FANCL: variants seen among roughly 807,000 people sequenced by gnomAD.
FANCL encodes FA complementation group L.
Under a neutral mutation model 59.4 loss-of-function variants are expected in FANCL, and 69 were observed. The ratio of observed to expected loss-of-function variants is 1.16; its 90% CI spans 0.96 to 1.42. The LOEUF is 1.42. Among genes scored for constraint, FANCL ranks in the 40% most tolerant of loss-of-function variants. The pLI is 0.00. For synonymous variants in FANCL, 180 were observed against 147.1 expected (o/e 1.22, Z -1.62); for missense variants, 519 against 447.2 (o/e 1.16, Z -1.45).
intron 4 of FANCL, among the ~76,000 whole-genome samples, chr2:58,222,392 A>G (rs1273115186): frequency 1.3e-5 from 2 of 152,092 alleles, no homozygotes; most frequent in Non-Finnish European, 2.9e-5. Flanking sequence ...TGTTTGATAT[A>G]TACATTTTTT....
Position 58,198,637 on chromosome 2 carries a change from A to C in FANCL, c.497T>G (p.Phe166Cys). The C allele has an allele frequency of 6.2e-7, 1 of 1,613,974 alleles. No homozygotes were observed. Among genetic ancestry groups the C allele is most frequent in the Non-Finnish European group, 8.5e-7 (1 of 1,179,838 alleles). Residue 166 changes from phenylalanine (F) to cysteine (C), a missense_variant, in exon 7 of 14, where the codon TTT becomes TGT. Transcript: ENST00000233741. ...ACAAAATGGAACAGGAAAATCCACA[A>C]AATAATCTGGTGATTCTGCAGGATA... ...AKYPAESPDY[F>C]VDFPVPFCAS...
intron 11 of FANCL, 21 bp downstream of exon 11, chr2:58,162,845 C>G (rs369259658): frequency 5.0e-6 from 8 of 1,597,474 alleles, no homozygotes; most frequent in Non-Finnish European, 6.0e-6. Flanking sequence ...TCTGGAATAT[C>G]AAAACACTGA....
intron 7 of FANCL, among the ~76,000 whole-genome samples, chr2:58,180,385 A>C (rs894084368): frequency 3.9e-5 from 6 of 152,212 alleles, no homozygotes; most frequent in African/African-American, 1.4e-4. Flanking sequence ...AATACTATGC[A>C]GCCATAAAAA....
At chr2:58,177,427 T>C (rs1295577259) in intron 7 of FANCL, among the ~76,000 whole-genome samples, 3 of 151,994 alleles carry the variant, frequency 2.0e-5, no homozygotes, top group Non-Finnish European at 4.4e-5. Context: ...GTGGCACATA[T>C]ACACCATGGA....
chr2:58,205,642 A>G (rs1233195988), intron 5 of FANCL, among the ~76,000 whole-genome samples: 1 of 152,098 alleles, frequency 6.6e-6, no homozygotes, highest in Non-Finnish European at 1.5e-5. Flanking sequence ...AAAAAAGAAG[A>G]AGGAATAGTA....
chr2:58,188,902 T>G (rs1688664146), intron 7 of FANCL, among the ~76,000 whole-genome samples: 1 of 152,100 alleles, frequency 6.6e-6, no homozygotes, highest in African/African-American at 2.4e-5. Context: ...GGCCAATATG[T>G]GGCACATCCA....
At chr2:58,178,852 T>C (rs1235888650) in intron 7 of FANCL, among the ~76,000 whole-genome samples, 1 of 152,066 alleles carries the variant, frequency 6.6e-6, no homozygotes, top group African/African-American at 2.4e-5. Flanking sequence ...CAGCCCAAAA[T>C]CTCCTTAAGC....
At chr2:58,186,571 C>T (rs1390430816) in intron 7 of FANCL, among the ~76,000 whole-genome samples, 1 of 152,194 alleles carries the variant, frequency 6.6e-6, no homozygotes, top group Non-Finnish European at 1.5e-5. Flanking sequence ...GAAAAAGTTC[C>T]TCAGAATTCC....
intron 5 of FANCL, among the ~76,000 whole-genome samples, chr2:58,217,213 TATACACACAC>T (rs1246553887): frequency 0.039 from 297 of 7,652 alleles, 2 homozygotes; most frequent in Non-Finnish European, 0.052. Context: ...TATATATATA[TATACACACAC>T]ACACACACAC....
In FANCL at chr2:58,159,654, C is replaced by G. The variant is rs780745258; in HGVS notation, c.*111G>C. ...ATTATTATCGCATCATCATACCTGT[C>G]CTTTTGATGTTAGTATTTCTTGCTT... On this transcript the variant is annotated 3_prime_UTR_variant, in exon 14 of 14. Transcript: ENST00000233741. The G allele has an allele frequency of 6.2e-7, 1 of 1,613,314 alleles. No individual in the cohort carries two copies. Among genetic ancestry groups the G allele is most frequent in the Admixed American group, 1.7e-5 (1 of 59,924 alleles).
intron 7 of FANCL, among the ~76,000 whole-genome samples, chr2:58,175,992 GACAA>G (rs1401928210): frequency 6.6e-6 from 1 of 151,916 alleles, no homozygotes; most frequent in Non-Finnish European, 1.5e-5. Context: ...ACTAATAACA[GACAA>G]ACAGCCAAAT....
chr2:58,179,911 G>C (rs958358194), intron 7 of FANCL, among the ~76,000 whole-genome samples: 2 of 152,088 alleles, frequency 1.3e-5, no homozygotes, highest in Admixed American at 1.3e-4. Flanking sequence ...AGTAGGCAAA[G>C]GATATGAACA....
At chr2:58,200,465 A>C (rs1489041984) in intron 6 of FANCL, among the ~76,000 whole-genome samples, 1 of 152,094 alleles carries the variant, frequency 6.6e-6, no homozygotes, top group Admixed American at 6.5e-5. Context: ...TGTGGGTCAA[A>C]AATGGAAAAT....
rs967043367 is a variant in FANCL, at chr2:58,176,439, T to C, written c.541-10565A>G. On this transcript the variant is annotated intron_variant, in intron 7 of 13. Coordinates refer to ENST00000233741, the MANE Select transcript of FANCL (RefSeq NM_018062.4). ...ACTGGTACCAAAACAGAGATATAGA[T>C]CAATGGAACAGAACAGAGCCCTCAG... Among the ~76,000 whole-genome samples the C allele has an allele frequency of 3.1e-4, 47 of 151,848 alleles. No individual in the cohort carries two copies. The East Asian group carries it at 8.1e-3, about 26-fold the overall frequency.
chr2:58,161,227 A>G (rs547825207), intron 12 of FANCL, among the ~76,000 whole-genome samples: 1 of 152,138 alleles, frequency 6.6e-6, no homozygotes, highest in African/African-American at 2.4e-5. Context: ...AGGAATTTAT[A>G]GAAAGATTCC....
chr2:58,198,245 TA>T lies in FANCL; in HGVS notation c.540+348del, dbSNP rs570851560. Among the ~76,000 whole-genome samples the T allele has an allele frequency of 3.8e-4, 58 of 152,220 alleles. No individual in the cohort carries two copies. In the South Asian group the frequency reaches 0.012, roughly 32 times the overall value. On this transcript the variant is annotated intron_variant, in intron 7 of 13. Coordinates refer to ENST00000233741, the MANE Select transcript of FANCL (RefSeq NM_018062.4). ...TCATAACCTATAATGACTACCTAAG[TA>T]AAAACAGTTACAGTTGGCCCTACCC... is the stretch of plus-strand genomic sequence containing the variant.
chr2:58,164,115 G>A (rs755189717), intron 8 of FANCL, among the ~76,000 whole-genome samples: 43 of 152,010 alleles, frequency 2.8e-4, no homozygotes, highest in Non-Finnish European at 2.4e-4. Context: ...ACCTAATTTC[G>A]CAAGACCTAA....
intron 7 of FANCL, among the ~76,000 whole-genome samples, chr2:58,186,635 T>G (rs1199241051): frequency 6.6e-6 from 1 of 152,198 alleles, no homozygotes; most frequent in East Asian, 1.9e-4. Context: ...TGCCACTGGC[T>G]GAATTGCCCT....
chr2:58,188,691 C>T (rs910648337), intron 7 of FANCL, among the ~76,000 whole-genome samples: 4 of 151,500 alleles, frequency 2.6e-5, no homozygotes, highest in Admixed American at 2.0e-4. Flanking sequence ...CTTCTCGTCT[C>T]GGCCTCCTGA....
Sources: allele counts gnomAD v4.1 joint callset (sites outside exome capture counted in the v4.1 genomes callset), GRCh38; gene constraint gnomAD v4.1.1; transcripts MANE v1.5; gene names NCBI Gene and HGNC (gene_info 2026-07-23, HGNC 2026-07-21).